Variants in LUZP2 observed in about 807,000 individuals in gnomAD.
LUZP2 encodes the protein leucine zipper protein 2.
A neutral mutation model predicts 51.6 loss-of-function variants in LUZP2; 52 were observed. The ratio of observed to expected loss-of-function variants is 1.01; its 90% CI spans 0.81 to 1.27. The LOEUF is 1.27. Among genes scored for constraint, LUZP2 ranks in the 50% most tolerant of loss-of-function variants. LUZP2 has a pLI of 0.00. For synonymous variants in LUZP2, 154 were observed against 137.3 expected (o/e 1.12, Z -0.85); for missense variants, 436 against 395.4 (o/e 1.10, Z -0.87).
chr11:24,538,089 A>G (rs1251774678), intron 1 of LUZP2, among the ~76,000 whole-genome samples: 1 of 151,886 alleles, frequency 6.6e-6, no homozygotes, highest in Non-Finnish European at 1.5e-5. Context: ...ACACACCGCA[A>G]GATGTGAATA....
At chr11:24,908,210 C>CT (rs1416412126) in intron 6 of LUZP2, among the ~76,000 whole-genome samples, 1 of 152,128 alleles carries the variant, frequency 6.6e-6, no homozygotes, top group East Asian at 1.9e-4. Flanking sequence ...CATTGACACC[C>CT]AGAAGATTGC....
At chr11:24,756,657 T>C (rs1340793222) in intron 4 of LUZP2, among the ~76,000 whole-genome samples, 2 of 152,228 alleles carry the variant, frequency 1.3e-5, no homozygotes, top group African/African-American at 4.8e-5. Context: ...GTTTTTCTTC[T>C]GCTCCCATAC....
intron 7 of LUZP2, among the ~76,000 whole-genome samples, chr11:24,936,952 A>G (rs1224326881): frequency 6.6e-6 from 1 of 152,134 alleles, no homozygotes; most frequent in African/African-American, 2.4e-5. Context: ...TAAGGTTGCA[A>G]ATACCTATAT....
intron 5 of LUZP2, among the ~76,000 whole-genome samples, chr11:24,878,297 G>T (rs1290332761): frequency 6.6e-6 from 1 of 151,954 alleles, no homozygotes; most frequent in Non-Finnish European, 1.5e-5. Context: ...ATATTTGAAA[G>T]ATATTTTTCA....
At chr11:24,690,226 T>G (rs1451844432) in intron 1 of LUZP2, among the ~76,000 whole-genome samples, 1 of 152,070 alleles carries the variant, frequency 6.6e-6, no homozygotes, top group Non-Finnish European at 1.5e-5. Flanking sequence ...TACCTCAAAC[T>G]TTTGGAAAAA....
At chr11:24,837,031 T>A (rs2134191506) in intron 5 of LUZP2, among the ~76,000 whole-genome samples, 1 of 137,160 alleles carries the variant, frequency 7.3e-6, no homozygotes, top group Admixed American at 7.6e-5. Flanking sequence ...ACACAAGCTA[T>A]TGACAACCTT....
chr11:25,042,267 G>A (rs1171650969), intron 9 of LUZP2, among the ~76,000 whole-genome samples: 13 of 150,022 alleles, frequency 8.7e-5, no homozygotes, highest in Non-Finnish European at 1.5e-5. Flanking sequence ...CATTTATTCT[G>A]GAATTCTTGA....
intron 1 of LUZP2, among the ~76,000 whole-genome samples, chr11:24,658,445 A>C (rs1381539128): frequency 6.6e-6 from 1 of 152,206 alleles, no homozygotes; most frequent in Non-Finnish European, 1.5e-5. Flanking sequence ...TAAAGACTTA[A>C]ATGTTAGACC....
At chr11:24,972,390 C>A (rs919514954) in intron 7 of LUZP2, among the ~76,000 whole-genome samples, 23 of 151,958 alleles carry the variant, frequency 1.5e-4, no homozygotes, top group Non-Finnish European at 2.9e-4. Context: ...ATTCTCCCAA[C>A]AAGCCTATAA....
intron 1 of LUZP2, among the ~76,000 whole-genome samples, chr11:24,548,673 G>A (rs945923182): frequency 6.6e-6 from 1 of 151,896 alleles, no homozygotes; most frequent in Non-Finnish European, 1.5e-5. Context: ...TTCATGTAAC[G>A]AACTTGCCCA....
At chr11:24,901,540 A>G (rs2133779557) in intron 5 of LUZP2, among the ~76,000 whole-genome samples, 1 of 152,292 alleles carries the variant, frequency 6.6e-6, no homozygotes, top group East Asian at 1.9e-4. Context: ...AGAAAGCATT[A>G]TTCCCAAAAA....
intron 1 of LUZP2, among the ~76,000 whole-genome samples, chr11:24,690,942 T>G (rs938559765): frequency 1.3e-5 from 2 of 152,068 alleles, no homozygotes. Context: ...ATAATTCAGT[T>G]TTCATCAATG....
At chr11:24,834,773 A>G (rs565401089) in intron 5 of LUZP2, among the ~76,000 whole-genome samples, 1 of 152,264 alleles carries the variant, frequency 6.6e-6, no homozygotes, top group African/African-American at 2.4e-5. Flanking sequence ...TCTGACTTTC[A>G]TAATTGCCAT....
At chr11:25,014,254 G>T (rs572079765) in intron 9 of LUZP2, among the ~76,000 whole-genome samples, 3 of 152,160 alleles carry the variant, frequency 2.0e-5, no homozygotes, top group African/African-American at 7.2e-5. Flanking sequence ...TAATCCTTTG[G>T]GTATATACCC....
intron 7 of LUZP2, among the ~76,000 whole-genome samples, chr11:24,923,435 G>A (rs185814665): frequency 6.6e-6 from 1 of 152,016 alleles, no homozygotes; most frequent in Non-Finnish European, 1.5e-5. Flanking sequence ...GGTGTCTCAC[G>A]CCTGTAATCC....
chr11:24,815,032 A>G (rs1850137218), intron 5 of LUZP2, among the ~76,000 whole-genome samples: 2 of 151,774 alleles, frequency 1.3e-5, no homozygotes, highest in Admixed American at 1.3e-4. Flanking sequence ...TGAAAGCAAA[A>G]TTGATTATTA....
At chr11:24,859,928 A>AACTGGTTTAGCCT (rs145390482) in intron 5 of LUZP2, among the ~76,000 whole-genome samples, 1 of 152,110 alleles carries the variant, frequency 6.6e-6, no homozygotes, top group African/African-American at 2.4e-5. Context: ...CTCAGCAGGA[A>AACTGGTTTAGCCT]ACTCAACTCC....
intron 5 of LUZP2, among the ~76,000 whole-genome samples, chr11:24,889,475 A>G (rs1449706152): frequency 6.6e-6 from 1 of 152,214 alleles, no homozygotes; most frequent in Admixed American, 6.5e-5. Flanking sequence ...ATGCCTAAGT[A>G]ATGTCAAATG....
At chr11:24,951,119 A>T (rs1855065217) in intron 7 of LUZP2, among the ~76,000 whole-genome samples, 1 of 151,570 alleles carries the variant, frequency 6.6e-6, no homozygotes, top group African/African-American at 2.4e-5. Context: ...TGGGAATAAA[A>T]TGTACATTAT....
Sources: allele counts gnomAD v4.1 joint callset (sites outside exome capture counted in the v4.1 genomes callset), GRCh38; gene constraint gnomAD v4.1.1; transcripts MANE v1.5; gene names NCBI Gene and HGNC (gene_info 2026-07-23, HGNC 2026-07-21).